Variants in PFKFB1 observed in about 807,000 individuals in gnomAD.
PFKFB1 encodes 6-phosphofructo-2-kinase/fructose-2,6-biphosphatase 1.
PFKFB1 carries 34 observed loss-of-function variants against 46.4 expected under a neutral mutation model. The ratio of observed to expected loss-of-function variants is 0.73; its 90% confidence interval spans 0.56 to 0.98. The LOEUF is 0.98. Ranked by LOEUF, PFKFB1 falls within the 50% of genes least tolerant of loss-of-function variation. PFKFB1 has a pLI of 0.00. For missense variants in PFKFB1, 393 were observed against 376.3 expected (o/e 1.04, Z -0.37); for synonymous variants, 119 against 133.8 (o/e 0.89, Z 0.76).
chrX:54,994,202 C>T (rs1321235315), upstream of PFKFB1: 1 of 1,052,786 alleles, frequency 9.5e-7, no homozygotes, highest in Non-Finnish European at 1.2e-6. Context: ...CCTAGCCTGC[C>T]TCTGCTCCTG....
At position 54,937,743 on chromosome X, in the gene PFKFB1, C is replaced by G; in HGVS notation, c.1099-19G>C. On this transcript the variant is annotated intron_variant, in intron 10 of 13. Transcript: ENST00000375006. ...CATAGGACTAAACGTAAGAGAGATA[C>G]TTGAGTGAGAAAGGAAGATGAGGCA... is the stretch of plus-strand genomic sequence containing the variant. 8.4e-7 allele frequency: 1 copy of G among 1,195,435 alleles called. No homozygotes were observed. The highest frequency in any genetic ancestry group is 1.7e-5 in the African/African-American group (1 of 57,500).
At chrX:54,981,528 C>T (rs1445660407) in intron 1 of PFKFB1, among the ~76,000 whole-genome samples, 1 of 111,086 alleles carries the variant, frequency 9.0e-6, no homozygotes, top group African/African-American at 3.3e-5. Flanking sequence ...TTCATGCAAA[C>T]AACTCTAAGA....
intron 1 of PFKFB1, among the ~76,000 whole-genome samples, chrX:54,986,794 C>T (rs955109250): frequency 9.0e-6 from 1 of 111,545 alleles, no homozygotes; most frequent in African/African-American, 3.2e-5. Flanking sequence ...ATAAAAGAAG[C>T]TTCAATAAAT....
At chrX:54,963,502 G>A (rs775611658) in intron 1 of PFKFB1, 120 bp from the exon 2 acceptor site, 14 of 763,726 alleles carry the variant, frequency 1.8e-5, no homozygotes, top group Non-Finnish European at 2.4e-5. Context: ...CGAAAAAACC[G>A]GGAAAGTGAA....
chrX:54,943,349 A>T (rs772832578), intron 10 of PFKFB1, among the ~76,000 whole-genome samples: 2 of 111,942 alleles, frequency 1.8e-5, no homozygotes, highest in South Asian at 7.4e-4. Flanking sequence ...AACAACTGTC[A>T]TCCTAGAGTT....
chrX:54,990,442 G>C (rs1231289716), intron 1 of PFKFB1, among the ~76,000 whole-genome samples: 1 of 111,587 alleles, frequency 9.0e-6, no homozygotes, highest in Non-Finnish European at 1.9e-5. Context: ...GAAAGCTTAA[G>C]AAAGCTAACT....
Position 54,933,387 on chromosome X carries a change from A to G in PFKFB1, c.*16T>C. 1 of 1,187,725 alleles carries G rather than the reference A, an allele frequency of 8.4e-7. No individual in the cohort carries two copies. The highest frequency in any genetic ancestry group is 1.1e-6 in the Non-Finnish European group (1 of 873,912). ...AGGCGATGAGGACACAGGCAGTTTG[A>G]CTTCTTGGAAAGGGCTCAGTAGTGG... On this transcript the variant is annotated 3_prime_UTR_variant, in exon 14 of 14. Transcript: ENST00000375006.
At chrX:54,958,078 A>T (rs1251874968) in intron 6 of PFKFB1, among the ~76,000 whole-genome samples, 3 of 111,961 alleles carry the variant, frequency 2.7e-5, no homozygotes, top group Non-Finnish European at 3.8e-5. Flanking sequence ...GTCAAGTTTG[A>T]TATCTGGAGC....
intron 10 of PFKFB1, among the ~76,000 whole-genome samples, chrX:54,941,382 C>T (rs749818079): frequency 2.7e-5 from 3 of 111,991 alleles, no homozygotes; most frequent in Admixed American, 9.5e-5. Context: ...AAAGCCAAAA[C>T]AGACAAATGG....
In PFKFB1 at chrX:54,979,224, G is replaced by T. The variant is rs1422611634; in HGVS notation, c.97+14687C>A. Among the ~76,000 whole-genome samples, 4 of 111,471 alleles carry T rather than the reference G, an allele frequency of 3.6e-5. No homozygotes were observed. In the East Asian group the frequency reaches 1.1e-3, roughly 31 times the overall value. Reference sequence around the variant, plus strand: ...AAGCTTACTCCCAGGACAGACTTAGGTAGTAGCCATTCACTTCCTGAATGC... The same window carrying T: ...AAGCTTACTCCCAGGACAGACTTAGTTAGTAGCCATTCACTTCCTGAATGC... On this transcript the variant is annotated intron_variant, in intron 1 of 13. Coordinates refer to ENST00000375006, the MANE Select transcript of PFKFB1 (RefSeq NM_002625.4).
chrX:54,952,808 A>G (rs1199926020), intron 7 of PFKFB1, among the ~76,000 whole-genome samples: 1 of 110,031 alleles, frequency 9.1e-6, no homozygotes, highest in Non-Finnish European at 1.9e-5. Context: ...AGTCAGGAAC[A>G]AATACTTGGA....
chrX:54,942,309 G>A (rs984470230), intron 10 of PFKFB1, among the ~76,000 whole-genome samples: 1 of 111,209 alleles, frequency 9.0e-6, no homozygotes, highest in African/African-American at 3.3e-5. Context: ...GATTTAATAG[G>A]TGCAGCACAC....
intron 1 of PFKFB1, among the ~76,000 whole-genome samples, chrX:54,976,810 TAA>T (rs1934851164): frequency 9.0e-6 from 1 of 111,399 alleles, no homozygotes; most frequent in African/African-American, 3.3e-5. Flanking sequence ...ATACGGCAAT[TAA>T]GATAACTGTT....
At chrX:54,977,425 CAA>C (rs971812808) in intron 1 of PFKFB1, among the ~76,000 whole-genome samples, 2 of 109,894 alleles carry the variant, frequency 1.8e-5, no homozygotes, top group Non-Finnish European at 3.8e-5. Context: ...AACAAACAAA[CAA>C]ATAAATAAAT....
chrX:54,981,477 GAAAT>G (rs974705190), intron 1 of PFKFB1, among the ~76,000 whole-genome samples: 1 of 111,189 alleles, frequency 9.0e-6, no homozygotes, highest in African/African-American at 3.3e-5. Flanking sequence ...TGTATACTCA[GAAAT>G]AAGTCTCTTC....
intron 11 of PFKFB1, among the ~76,000 whole-genome samples, chrX:54,936,854 G>C (rs749674412): frequency 1.0e-3 from 116 of 111,439 alleles, no homozygotes; most frequent in African/African-American, 3.8e-3. Flanking sequence ...AAACAGTGTA[G>C]ACATTGAATA....
chrX:54,990,360 G>A (rs1787549804), intron 1 of PFKFB1, among the ~76,000 whole-genome samples: 1 of 110,990 alleles, frequency 9.0e-6, no homozygotes, highest in African/African-American at 3.3e-5. Flanking sequence ...AAGATACAAA[G>A]ATAAGAACTT....
intron 7 of PFKFB1, among the ~76,000 whole-genome samples, chrX:54,953,634 A>G (rs1409909129): frequency 9.0e-6 from 1 of 111,250 alleles, no homozygotes; most frequent in Non-Finnish European, 1.9e-5. Flanking sequence ...GGGATAGAAA[A>G]TATCTGATGT....
chrX:54,994,731 C>T, upstream of PFKFB1: 1 of 754,635 alleles, frequency 1.3e-6, no homozygotes. Context: ...CCTTCCTTGC[C>T]ACAGGGCCTC....
Sources: gnomAD v4.1 joint callset for allele counts (sites outside exome capture counted in the v4.1 genomes callset) on GRCh38, gnomAD v4.1.1 for gene constraint, MANE v1.5 for transcripts, NCBI Gene and HGNC (gene_info 2026-07-23, HGNC 2026-07-21) for gene names.